The following PROX1 variants were observed in gnomAD, a reference collection of about 807,000 sequenced individuals.
PROX1 encodes prospero homeobox 1, also known as prospero homeobox protein 1.
A neutral mutation model predicts 58.8 loss-of-function variants in PROX1; 7 were observed. The observed-to-expected ratio is 0.12, with a 90% CI of 0.07 to 0.22. The LOEUF is 0.22. PROX1 is among the 10% of genes least tolerant of loss of function. PROX1 has a pLI of 1.00. For missense variants in PROX1, 675 were observed against 927.8 expected (o/e 0.73, Z 3.54); for synonymous variants, 350 against 358.3 (o/e 0.98, Z 0.26).
At chr1:213,995,050 C>T (rs540020594) in intron 1 of PROX1, among the ~76,000 whole-genome samples, 3 of 151,990 alleles carry the variant, frequency 2.0e-5, no homozygotes, top group South Asian at 2.1e-4. Context: ...CTAGGGAGCA[C>T]GTAGATGTTT....
Position 213,998,186 on chromosome 1 carries a change from T to A in PROX1, c.1651T>A (p.Ser551Thr). The change falls in exon 2 of 5, where the codon TCC (serine) becomes ACC (threonine). Residue 551 changes from serine (S) to threonine (T), a missense_variant. Ser to Thr is a moderately conservative substitution (Grantham distance 58). Around this residue, in one of 8 missense-constraint regions of PROX1, gnomAD observed 403 missense variants for 477.4 expected, o/e 0.84. Coordinates refer to ENST00000366958, the MANE Select transcript of PROX1 (RefSeq NM_001270616.2). ...AHPPSTAEGLSLSLIKSECGD... is the reference protein window; with the variant it reads ...AHPPSTAEGLTLSLIKSECGD... Reference sequence around the variant, plus strand: ...CCCGCCCAGCACCGCCGAAGGGCTCTCCTTGTCGCTCATAAAGTCCGAGTG... The same window carrying A: ...CCCGCCCAGCACCGCCGAAGGGCTCACCTTGTCGCTCATAAAGTCCGAGTG... 1 of 1,612,156 alleles carries A rather than the reference T, an allele frequency of 6.2e-7. No homozygotes were observed. Among genetic ancestry groups the A allele is most frequent in the Non-Finnish European group, 8.5e-7 (1 of 1,179,240 alleles).
Position 214,039,487 on chromosome 1 carries a change from A to G in PROX1, c.*3653A>G, listed in dbSNP as rs193214656. 7.1e-4 allele frequency: 108 copies of G among 152,322 alleles called. No homozygotes were observed. The highest frequency in any genetic ancestry group is 2.3e-3 in the African/African-American group (94 of 41,582). 9.4% of individuals were successfully genotyped at this position (152,322 alleles called of 1,614,324 possible). On this transcript the variant is annotated 3_prime_UTR_variant, in exon 5 of 5. Transcript: ENST00000366958. ...AAAAGCAAAACAGAAACACTAAAGC[A>G]AGAGGGGAACTTTTATAAAGCAATG...
intron 4 of PROX1, among the ~76,000 whole-genome samples, chr1:214,013,678 C>T (rs1663997840): frequency 6.6e-6 from 1 of 152,284 alleles, no homozygotes; most frequent in East Asian, 1.9e-4. Flanking sequence ...AGGTACCCGA[C>T]AAGCTGCTCC....
At chr1:213,998,716 TA>T in intron 2 of PROX1, among the ~76,000 whole-genome samples, 1 of 152,200 alleles carries the variant, frequency 6.6e-6, no homozygotes, top group Non-Finnish European at 1.5e-5. Flanking sequence ...TAAGATCCCA[TA>T]AGAAGAATTC....
chr1:214,029,505 T>A (rs1664572779), intron 4 of PROX1: 2 of 152,146 alleles, frequency 1.3e-5, no homozygotes, highest in South Asian at 4.1e-4. Context: ...ATGGAAACAA[T>A]AAAAGCAGTT....
Position 213,997,921 on chromosome 1 carries a change from G to A in PROX1, c.1386G>A (p.Gln462=). The A allele has an allele frequency of 6.2e-7, 1 of 1,613,436 alleles. No individual in the cohort carries two copies. Among genetic ancestry groups the A allele is most frequent in the Non-Finnish European group, 8.5e-7 (1 of 1,179,656 alleles). Reference sequence around the variant, plus strand: ...GCCCTGCCGCTGGCGGCCACCACCAGCCCCTGCACCAGTCGCCTCTCTCTG... The same window carrying A: ...GCCCTGCCGCTGGCGGCCACCACCAACCCCTGCACCAGTCGCCTCTCTCTG... ...ASGPAAGGHH[Q]PLHQSPLSAT... Residue 462 remains glutamine (Q), a synonymous_variant, in exon 2 of 5, where the codon CAG becomes CAA. Transcript: ENST00000366958. This position sits in a 1 kb window ranked among gnomAD's most constrained non-coding sequence, Gnocchi z 7.1.
chr1:214,038,015 T>C lies in PROX1; in HGVS notation c.*2181T>C, dbSNP rs1026621450. On this transcript the variant is annotated 3_prime_UTR_variant, in exon 5 of 5. Coordinates refer to ENST00000366958, the MANE Select transcript of PROX1 (RefSeq NM_001270616.2). ...GGCAAAGCTGTAGTGTATTCACCTATGTAGACAGATTGCTAGATATCTTTT... is the reference window on the plus strand; with the variant it reads ...GGCAAAGCTGTAGTGTATTCACCTACGTAGACAGATTGCTAGATATCTTTT... The C allele has an allele frequency of 2.0e-5, 3 of 152,256 alleles. No homozygotes were observed. The highest frequency in any genetic ancestry group is 4.4e-5 in the Non-Finnish European group (3 of 68,048). 9.4% of individuals were successfully genotyped at this position (152,256 alleles called of 1,614,324 possible).
Position 214,020,209 on chromosome 1 carries a change from G to A in PROX1, c.2028+8494G>A, listed in dbSNP as rs375915421. On this transcript the variant is annotated intron_variant, in intron 4 of 4. Transcript: ENST00000366958. ...TATTATCTGTGTGCCTTCCTCCTCC[G>A]TCCCCACTCTGCCCCCCTCACTATT... is the stretch of plus-strand genomic sequence containing the variant. Among the ~76,000 whole-genome samples, 12 of 152,102 alleles carry A rather than the reference G, an allele frequency of 7.9e-5. No homozygotes were observed. The South Asian group carries it at 1.7e-3, about 21-fold the overall frequency.
At chr1:214,012,660 C>T (rs544428929) in intron 4 of PROX1, among the ~76,000 whole-genome samples, 39 of 152,298 alleles carry the variant, frequency 2.6e-4, no homozygotes, top group African/African-American at 8.2e-4. Context: ...GGCTGAACTC[C>T]CTGATGATGA....
upstream of PROX1, chr1:213,983,432 G>C (rs1228815509): frequency 1.3e-5 from 2 of 152,326 alleles, no homozygotes; most frequent in African/African-American, 4.8e-5. Context: ...GGGATCGAGC[G>C]CTTAAAACCC....
chr1:214,001,105 G>A (rs1663495160), intron 2 of PROX1, among the ~76,000 whole-genome samples: 1 of 151,974 alleles, frequency 6.6e-6, no homozygotes. Context: ...CACTCCAAAA[G>A]GTACCATCTG....
upstream of PROX1, chr1:213,984,917 C>T (rs1185115419): frequency 6.6e-6 from 1 of 152,342 alleles, no homozygotes; most frequent in Non-Finnish European, 1.5e-5. Flanking sequence ...CACTGTCTTC[C>T]CTCCTGCCCC....
intron 1 of PROX1, among the ~76,000 whole-genome samples, chr1:213,990,017 T>A (rs934689608): frequency 1.3e-5 from 2 of 151,818 alleles, no homozygotes; most frequent in African/African-American, 2.4e-5. Flanking sequence ...CGAGAAGATC[T>A]GTGCTGTCTC....
chr1:213,983,811 T>C (rs930942501), upstream of PROX1: 14 of 152,116 alleles, frequency 9.2e-5, no homozygotes, highest in Non-Finnish European at 1.9e-4. Context: ...TTGGGTGTTT[T>C]TGTTTTTGTT....
intron 3 of PROX1, among the ~76,000 whole-genome samples, chr1:214,007,712 C>T (rs1026274634): frequency 6.6e-6 from 1 of 152,326 alleles, no homozygotes; most frequent in South Asian, 2.1e-4. Flanking sequence ...CATATATACA[C>T]ATATCTATAG....
chr1:214,001,840 GA>G (rs1414835500), intron 2 of PROX1, among the ~76,000 whole-genome samples: 1 of 149,878 alleles, frequency 6.7e-6, no homozygotes, highest in Non-Finnish European at 1.5e-5. Flanking sequence ...CCCCTCCCCT[GA>G]AAAAAATTAT....
rs768235177 is a variant in PROX1 at position 213,997,984 on chromosome 1, C to T, written c.1449C>T (p.Pro483=). ...TGFTTSTFRH[P]FPLPLMAYPF... ...TCACCACGTCCACCTTCCGCCACCC[C>T]TTCCCCCTTCCCTTGATGGCCTATC... The change falls in exon 2 of 5, where the codon CCC becomes CCT. Residue 483 remains proline (P), a synonymous_variant. Coordinates refer to ENST00000366958, the MANE Select transcript of PROX1 (RefSeq NM_001270616.2). This position sits in a 1 kb window ranked among gnomAD's most constrained non-coding sequence, Gnocchi z 7.1. The T allele has an allele frequency of 6.2e-7, 1 of 1,613,688 alleles. No individual in the cohort carries two copies. The highest frequency in any genetic ancestry group is 8.5e-7 in the Non-Finnish European group (1 of 1,179,738).
chr1:214,029,170 T>G (rs1179869030), intron 4 of PROX1: 1 of 152,240 alleles, frequency 6.6e-6, no homozygotes, highest in African/African-American at 2.4e-5. Flanking sequence ...GAATGAATGC[T>G]CGGGAAAGTA....
intron 4 of PROX1, among the ~76,000 whole-genome samples, chr1:214,024,196 G>A (rs1037140075): frequency 6.6e-6 from 1 of 152,140 alleles, no homozygotes; most frequent in Non-Finnish European, 1.5e-5. Context: ...GCCTGTCTTT[G>A]CAATCTATTT....
Sources: allele counts gnomAD v4.1 joint callset (sites outside exome capture counted in the v4.1 genomes callset), GRCh38; gene constraint gnomAD v4.1.1; regional missense constraint gnomAD v4.1.1; non-coding constraint Gnocchi (gnomAD v3.1); transcripts MANE v1.5; gene names NCBI Gene and HGNC (gene_info 2026-07-23, HGNC 2026-07-21).